Variants in EIF5B observed in about 807,000 individuals in gnomAD.
The protein encoded by EIF5B is eukaryotic translation initiation factor 5B.
Under a neutral mutation model 147.5 loss-of-function variants are expected in EIF5B, and 47 were observed. The observed-to-expected ratio is 0.32, with a 90% CI of 0.25 to 0.41. EIF5B has a LOEUF of 0.41. Among genes scored for constraint, EIF5B ranks in the 10% least tolerant of loss-of-function variants. The probability of loss-of-function intolerance (pLI) is 1.00; values close to 1 mark genes in which losing one functional copy is unlikely to be tolerated. For missense variants in EIF5B, 1,064 were observed against 1,413.2 expected (o/e 0.75, Z 3.96); for synonymous variants, 455 against 456.2 (o/e 1.00, Z 0.03).
chr2:99,366,600 G>A (rs900443484), intron 6 of EIF5B, among the ~76,000 whole-genome samples: 3 of 152,134 alleles, frequency 2.0e-5, no homozygotes, highest in African/African-American at 7.2e-5. Flanking sequence ...AAAATCCCAT[G>A]GTATACAATT....
chr2:99,386,625 G>A (rs975018343), intron 14 of EIF5B, among the ~76,000 whole-genome samples: 2 of 150,118 alleles, frequency 1.3e-5, no homozygotes, highest in African/African-American at 4.9e-5. Flanking sequence ...CGCCTCCCAG[G>A]CTCAAGCGAT....
At position 99,369,404 on chromosome 2, in the gene EIF5B, T is replaced by C. The variant is rs757290796; in HGVS notation, c.1400T>C (p.Met467Thr). 7.5e-6 allele frequency: 12 copies of C among 1,609,848 alleles called. No individual in the cohort carries two copies. The highest frequency in any genetic ancestry group is 1.0e-5 in the Non-Finnish European group (12 of 1,177,982). The change falls in exon 8 of 24, where the codon ATG becomes ACG. Residue 467 changes from methionine (M) to threonine (T), a missense_variant. Met to Thr is a moderately conservative substitution (Grantham distance 81, BLOSUM62 -1). Transcript: ENST00000289371. ...QLESKEVSES[M>T]ELCAAVEVME... Reference sequence around the variant, plus strand: ...GCCCCTTTTTCAGTGTCTGAATCAATGGAATTATGTGCTGCTGTAGAAGTT... The same window carrying C: ...GCCCCTTTTTCAGTGTCTGAATCAACGGAATTATGTGCTGCTGTAGAAGTT...
intron 1 of EIF5B, among the ~76,000 whole-genome samples, chr2:99,338,784 C>G (rs2094250681): frequency 6.6e-6 from 1 of 151,656 alleles, no homozygotes; most frequent in Non-Finnish European, 1.5e-5. Flanking sequence ...GTATAGGGTA[C>G]TTTTTTCCTT....
chr2:99,362,820 A>G (rs1674247704), intron 4 of EIF5B, among the ~76,000 whole-genome samples: 1 of 151,622 alleles, frequency 6.6e-6, no homozygotes, highest in African/African-American at 2.4e-5. Context: ...GTGCAATGAC[A>G]CGATCTCAGC....
At position 99,399,994 on chromosome 2, in the gene EIF5B, T is replaced by C. The variant is rs1675172362; in HGVS notation, c.*580T>C. ...ACAGCTGGCTGCTTTTTACTGCTTG[T>C]GTAGTCACGAGTCCATTGTAATCAT... On this transcript the variant is annotated 3_prime_UTR_variant, in exon 24 of 24. Transcript: ENST00000289371. The C allele has an allele frequency of 6.5e-6, 1 of 152,828 alleles. No homozygotes were observed. The allele number at this position is 152,828 out of a possible 1,614,324, so 9.5% of individuals were successfully genotyped here.
At chr2:99,393,187 C>A in intron 18 of EIF5B, 89 bp downstream of exon 18, 1 of 1,231,592 alleles carries the variant, frequency 8.1e-7, no homozygotes, top group Non-Finnish European at 1.1e-6. Context: ...GTGACCAAAA[C>A]TGGCTTTGTC....
chr2:99,361,863 C>T (rs771266713), intron 4 of EIF5B, 43 bp downstream of exon 4: 1 of 1,480,174 alleles, frequency 6.8e-7, no homozygotes, highest in Non-Finnish European at 8.9e-7. Context: ...GCTTTTGATT[C>T]ACAGTATAAG....
At chr2:99,373,840 A>G (rs898983664) in intron 9 of EIF5B, among the ~76,000 whole-genome samples, 4 of 149,952 alleles carry the variant, frequency 2.7e-5, no homozygotes, top group Admixed American at 2.6e-4. Flanking sequence ...TTTTCCTTTC[A>G]TGAGCTTAGC....
At chr2:99,354,403 A>G (rs191899687) in intron 1 of EIF5B, among the ~76,000 whole-genome samples, 1 of 151,878 alleles carries the variant, frequency 6.6e-6, no homozygotes, top group East Asian at 1.9e-4. Flanking sequence ...TTTACTGTTG[A>G]GTTTTGAGAG....
At chr2:99,388,425 T>C (rs1674854254) in intron 14 of EIF5B, among the ~76,000 whole-genome samples, 1 of 94,498 alleles carries the variant, frequency 1.1e-5, no homozygotes, top group South Asian at 2.9e-4. Context: ...TGCAGGGTTT[T>C]TGTTTTTTTG....
At chr2:99,344,865 C>T (rs1402384350) in intron 1 of EIF5B, among the ~76,000 whole-genome samples, 2 of 152,210 alleles carry the variant, frequency 1.3e-5, no homozygotes, top group African/African-American at 2.4e-5. Context: ...TCATAAATCT[C>T]ATTTCATATG....
chr2:99,382,968 AT>A, intron 14 of EIF5B, 47 bp downstream of exon 14: 2 of 1,521,180 alleles, frequency 1.3e-6, no homozygotes, highest in South Asian at 1.3e-5. Flanking sequence ...ATGTTTCTTA[AT>A]TTTTTGTGAT....
At chr2:99,374,288 TAAA>T (rs33936603) in intron 9 of EIF5B, among the ~76,000 whole-genome samples, 116 of 108,744 alleles carry the variant, frequency 1.1e-3, no homozygotes, top group South Asian at 8.3e-3. Flanking sequence ...GACTCTTACC[TAAA>T]AAAAAAAAAA....
At chr2:99,378,945 C>CA in intron 10 of EIF5B, 74 bp from the exon 11 acceptor site, 1 of 1,221,748 alleles carries the variant, frequency 8.2e-7, no homozygotes, top group Non-Finnish European at 1.1e-6. Context: ...TTTGCCAAGG[C>CA]AAAACAGAAA....
Position 99,394,251 on chromosome 2 carries a change from C to G in EIF5B, c.2881-16C>G. ...AGGTGTGTTGACAACCTTATCAAAT[C>G]TGATTTCTTTTCAAGGATGAATTGA... On this transcript the variant is annotated splice_polypyrimidine_tract_variant and intron_variant, in intron 18 of 23. Coordinates refer to ENST00000289371, the MANE Select transcript of EIF5B (RefSeq NM_015904.4). The G allele has an allele frequency of 1.3e-6, 2 of 1,598,276 alleles. No individual in the cohort carries two copies. The highest frequency in any genetic ancestry group is 2.2e-5 in the East Asian group (1 of 44,814).
At chr2:99,338,774 G>A in intron 1 of EIF5B, among the ~76,000 whole-genome samples, 1 of 151,846 alleles carries the variant, frequency 6.6e-6, no homozygotes, top group Admixed American at 6.6e-5. Flanking sequence ...AATTTTTGAT[G>A]TATAGGGTAC....
At chr2:99,364,005 A>G in intron 5 of EIF5B, 143 bp downstream of exon 5, 1 of 1,048,398 alleles carries the variant, frequency 9.5e-7, no homozygotes. Flanking sequence ...ACAAATAATA[A>G]GATGAAGAGG....
rs1574945931 is a variant in EIF5B, at chr2:99,399,758, T to C, written c.*344T>C. ...TTCGATTTTATACTGATTAAATCAG[T>C]ACTGCAGTATTTGATTAACCAAGCT... On this transcript the variant is annotated 3_prime_UTR_variant, in exon 24 of 24. Transcript: ENST00000289371. 5.7e-6 allele frequency: 1 copy of C among 176,488 alleles called. No homozygotes were observed. 10.9% of individuals were successfully genotyped at this position (176,488 alleles called of 1,614,324 possible). A position where few individuals can be genotyped will look rare whatever the true frequency, so the allele number is the denominator to read the frequency against.
At chr2:99,353,276 G>T (rs943222894) in intron 1 of EIF5B, among the ~76,000 whole-genome samples, 4 of 152,092 alleles carry the variant, frequency 2.6e-5, no homozygotes, top group African/African-American at 7.2e-5. Flanking sequence ...GCCTCCCAAA[G>T]TGCTGGGATT....
Sources: gnomAD v4.1 joint callset for allele counts (sites outside exome capture counted in the v4.1 genomes callset) on GRCh38, gnomAD v4.1.1 for gene constraint, MANE v1.5 for transcripts, NCBI Gene and HGNC (gene_info 2026-07-23, HGNC 2026-07-21) for gene names.